Variants in MSRA observed in about 807,000 individuals in gnomAD.
The protein encoded by MSRA is methionine sulfoxide reductase A, also known as mitochondrial peptide methionine sulfoxide reductase.
Under a neutral mutation model 31.3 loss-of-function variants are expected in MSRA, and 54 were observed. The ratio of observed to expected loss-of-function variants is 1.73; its 90% CI spans 1.39 to 2.17. MSRA has a LOEUF of 2.17. Among genes scored for constraint, MSRA ranks in the 30% most tolerant of loss-of-function variants. The probability of loss-of-function intolerance (pLI) is 0.00; values close to 1 mark genes in which losing one functional copy is unlikely to be tolerated. For missense variants in MSRA, 507 were observed against 300.9 expected (o/e 1.69, Z -5.07); for synonymous variants, 169 against 116.5 (o/e 1.45, Z -2.90).
chr8:10,264,454 T>C (rs1045949802), intron 3 of MSRA, among the ~76,000 whole-genome samples: 1 of 152,258 alleles, frequency 6.6e-6, no homozygotes, highest in East Asian at 1.9e-4. Flanking sequence ...TTTCAAAATT[T>C]TCTCTTTTTG....
intron 5 of MSRA, among the ~76,000 whole-genome samples, chr8:10,413,302 C>G (rs1481967720): frequency 6.6e-6 from 1 of 152,146 alleles, no homozygotes; most frequent in Non-Finnish European, 1.5e-5. Context: ...GGTGCCTAAC[C>G]ATTCGGTGAT....
At chr8:10,295,524 G>T (rs10101352) in intron 3 of MSRA, among the ~76,000 whole-genome samples, 6 of 152,110 alleles carry the variant, frequency 3.9e-5, no homozygotes, top group Non-Finnish European at 8.8e-5. Context: ...CACGCAGGCC[G>T]AGCTGCTCTT....
At chr8:10,361,157 G>A (rs1218231990) in intron 5 of MSRA, among the ~76,000 whole-genome samples, 1 of 152,184 alleles carries the variant, frequency 6.6e-6, no homozygotes, top group Non-Finnish European at 1.5e-5. Flanking sequence ...ATGAGGAGAG[G>A]AGTATTGTTT....
chr8:10,153,203 T>G (rs1407357481), intron 1 of MSRA, among the ~76,000 whole-genome samples: 1 of 152,188 alleles, frequency 6.6e-6, no homozygotes, highest in Non-Finnish European at 1.5e-5. Flanking sequence ...TGAAGCTTAT[T>G]AAGGATAGAC....
chr8:10,269,898 A>ACCTG (rs1798940406), intron 3 of MSRA, among the ~76,000 whole-genome samples: 1 of 151,932 alleles, frequency 6.6e-6, no homozygotes, highest in African/African-American at 2.4e-5. Flanking sequence ...TGATCTGCCC[A>ACCTG]CCTCAGCCTC....
At chr8:10,234,139 T>C (rs1286949719) in intron 2 of MSRA, among the ~76,000 whole-genome samples, 1 of 152,174 alleles carries the variant, frequency 6.6e-6, no homozygotes, top group Non-Finnish European at 1.5e-5. Flanking sequence ...AGACAGTTAC[T>C]ATAAAACCCT....
intron 1 of MSRA, among the ~76,000 whole-genome samples, chr8:10,107,232 C>T (rs7017605): frequency 2.6e-5 from 4 of 151,828 alleles, no homozygotes; most frequent in Non-Finnish European, 5.9e-5. Flanking sequence ...TTTTAGAGAA[C>T]ATGGATCTTT....
chr8:10,406,689 C>G (rs1432218057), intron 5 of MSRA, among the ~76,000 whole-genome samples: 2 of 152,176 alleles, frequency 1.3e-5, no homozygotes, highest in Non-Finnish European at 2.9e-5. Context: ...GGTGGGTTTT[C>G]ACAGATAAGC....
chr8:10,401,319 G>T (rs1051329295), intron 5 of MSRA, among the ~76,000 whole-genome samples: 20 of 152,134 alleles, frequency 1.3e-4, no homozygotes, highest in African/African-American at 4.8e-4. Flanking sequence ...TCAGAATCAT[G>T]AGTCACTGAG....
chr8:10,133,823 T>C (rs1421209865), intron 1 of MSRA, among the ~76,000 whole-genome samples: 2 of 152,092 alleles, frequency 1.3e-5, no homozygotes, highest in African/African-American at 4.8e-5. Context: ...GGTTTTTTTT[T>C]GTTGTTGTTC....
intron 1 of MSRA, among the ~76,000 whole-genome samples, chr8:10,205,186 G>A (rs1185011233): frequency 1.3e-5 from 2 of 152,146 alleles, no homozygotes; most frequent in African/African-American, 4.8e-5. Flanking sequence ...GATAATTGTG[G>A]CTACCTTGGG....
At chr8:10,361,562 T>A (rs1300302210) in intron 5 of MSRA, among the ~76,000 whole-genome samples, 1 of 152,168 alleles carries the variant, frequency 6.6e-6, no homozygotes, top group East Asian at 1.9e-4. Flanking sequence ...CCAGGATTCT[T>A]GAAGGCTGCA....
At chr8:10,287,609 G>A (rs567397971) in intron 3 of MSRA, among the ~76,000 whole-genome samples, 5 of 152,150 alleles carry the variant, frequency 3.3e-5, no homozygotes, top group African/African-American at 4.8e-5. Flanking sequence ...GTTCTCATGC[G>A]TTGGACTTAC....
At chr8:10,068,860 C>T (rs549535152) in intron 1 of MSRA, among the ~76,000 whole-genome samples, 3 of 152,174 alleles carry the variant, frequency 2.0e-5, no homozygotes, top group Non-Finnish European at 2.9e-5. Flanking sequence ...CACTGAATCT[C>T]CAGATCAAGT....
intron 5 of MSRA, among the ~76,000 whole-genome samples, chr8:10,358,943 T>C (rs958685572): frequency 6.6e-6 from 1 of 152,124 alleles, no homozygotes; most frequent in Admixed American, 6.5e-5. Flanking sequence ...GGGATCTAGG[T>C]TGTACACTCC....
chr8:10,101,407 A>C (rs1233883262), intron 1 of MSRA, among the ~76,000 whole-genome samples: 1 of 152,158 alleles, frequency 6.6e-6, no homozygotes, highest in Admixed American at 6.5e-5. Flanking sequence ...TTACCGTCTT[A>C]ACCATTTTTA....
rs755359719 is a variant in MSRA at position 10,319,910 on chromosome 8, C to G, written c.464C>G (p.Thr155Ser). 5.0e-6 allele frequency: 8 copies of G among 1,591,542 alleles called. No individual in the cohort carries two copies. Among genetic ancestry groups the G allele is most frequent in the Non-Finnish European group, 6.8e-6 (8 of 1,169,532 alleles). The stretch of plus-strand genomic sequence containing the variant: ...ATGCGCCAGGGGAACGACCATGGCA[C>G]TCAGTACCGCTCGGCCATCTACCCG... ...QGMRQGNDHG[T>S]QYRSAIYPTS... Residue 155 changes from threonine (T) to serine (S), a missense_variant, in exon 5 of 6, where the codon ACT (threonine) becomes AGT (serine). Coordinates refer to ENST00000317173, the MANE Select transcript of MSRA (RefSeq NM_012331.5).
chr8:10,309,481 T>A (rs1801319086), intron 4 of MSRA, among the ~76,000 whole-genome samples: 1 of 152,270 alleles, frequency 6.6e-6, no homozygotes, highest in Non-Finnish European at 1.5e-5. Context: ...CTCTATCATT[T>A]TTCCTCAGCT....
At chr8:10,217,639 C>T (rs1489614800) in intron 2 of MSRA, among the ~76,000 whole-genome samples, 1 of 152,146 alleles carries the variant, frequency 6.6e-6, no homozygotes, top group Non-Finnish European at 1.5e-5. Flanking sequence ...TTGTCTACAT[C>T]CCCACTCCCT....
Sources: allele counts gnomAD v4.1 joint callset (sites outside exome capture counted in the v4.1 genomes callset), GRCh38; gene constraint gnomAD v4.1.1; transcripts MANE v1.5; gene names NCBI Gene and HGNC (gene_info 2026-07-23, HGNC 2026-07-21).